SCML4: variants seen among roughly 807,000 people sequenced by gnomAD.
The protein encoded by SCML4 is sex comb on midleg-like protein 4.
In SCML4, 34 loss-of-function variants were observed where a neutral mutation model predicts 41.1. That is an observed-to-expected ratio of 0.83 (90% CI 0.63 to 1.10). The LOEUF (loss-of-function observed/expected upper bound fraction) is 1.10. SCML4 is among the 50% of genes least tolerant of loss of function. The pLI is 0.00. For synonymous variants in SCML4, 214 were observed against 220.9 expected, an observed-to-expected ratio of 0.97 and a Z score of 0.28; for missense variants, 522 against 534.1, an observed-to-expected ratio of 0.98 and a Z score of 0.22.
chr6:107,792,967 T>C (rs1005473799), intron 1 of SCML4, among the ~76,000 whole-genome samples: 3 of 152,154 alleles, frequency 2.0e-5, no homozygotes, highest in African/African-American at 7.2e-5. Context: ...CACTTGCTTC[T>C]GGGGGTAAGA....
At chr6:107,778,815 C>A (rs963610804) in intron 1 of SCML4, among the ~76,000 whole-genome samples, 1 of 152,154 alleles carries the variant, frequency 6.6e-6, no homozygotes, top group Non-Finnish European at 1.5e-5. Flanking sequence ...ACTAATTTGT[C>A]CAACAGATTT....
At chr6:107,785,109 C>G (rs928585409) in intron 1 of SCML4, among the ~76,000 whole-genome samples, 1 of 152,166 alleles carries the variant, frequency 6.6e-6, no homozygotes, top group African/African-American at 2.4e-5. Context: ...GACAGACACG[C>G]CTGGTTTATT....
chr6:107,776,600 A>T (rs1185989938), intron 1 of SCML4, among the ~76,000 whole-genome samples: 2 of 152,200 alleles, frequency 1.3e-5, no homozygotes, highest in African/African-American at 4.8e-5. Context: ...GGCTGATGCA[A>T]TGGGCACTCT....
chr6:107,740,117 A>T (rs1432308354), intron 5 of SCML4: 4 of 470,888 alleles, frequency 8.5e-6, no homozygotes, highest in Admixed American at 4.7e-5. Context: ...CAGCTTTCAG[A>T]TGGGGACATC....
chr6:107,778,225 AT>A (rs1781181122), intron 1 of SCML4, among the ~76,000 whole-genome samples: 12 of 6,298 alleles, frequency 1.9e-3, no homozygotes, highest in Non-Finnish European at 3.7e-3. Flanking sequence ...AAAAAAAAAT[AT>A]ATATATATAT....
upstream of SCML4, among the ~76,000 whole-genome samples, chr6:107,828,326 G>A (rs946304935): frequency 6.6e-6 from 1 of 152,146 alleles, no homozygotes; most frequent in Non-Finnish European, 1.5e-5. Context: ...AGGAAATAAG[G>A]GACTAGATCA....
chr6:107,736,071 G>A (rs866478171), intron 5 of SCML4, among the ~76,000 whole-genome samples: 2 of 152,082 alleles, frequency 1.3e-5, no homozygotes, highest in Non-Finnish European at 2.9e-5. Flanking sequence ...AAATGAGGAA[G>A]TTCCCTGGCA....
rs149697363 is a variant in SCML4, at chr6:107,711,566, A to T, written c.974-3555T>A. Among the ~76,000 whole-genome samples, 279 of 152,342 alleles carry T rather than the reference A, an allele frequency of 1.8e-3. 1 individual carries two copies. The highest frequency in any genetic ancestry group is 9.3e-3 in the South Asian group (45 of 4,822). ...CAACATTGAAATGACCTAAGGATGC[A>T]TTTCCCAGAATGTATCCCATTGAGT... On this transcript the variant is annotated intron_variant, in intron 6 of 7. Transcript: ENST00000369020.
At chr6:107,825,954 A>AAT (rs1562296843), upstream of SCML4, among the ~76,000 whole-genome samples, 1 of 149,324 alleles carries the variant, frequency 6.7e-6, no homozygotes, top group African/African-American at 2.5e-5. Context: ...AAAAAAAAAA[A>AAT]AAGAAAATAA....
chr6:107,778,108 C>T (rs13202209), intron 1 of SCML4, among the ~76,000 whole-genome samples: 79,973 of 144,878 alleles, frequency 0.55, 23,176 homozygotes, highest in East Asian at 0.87. Flanking sequence ...CCCAGCTATT[C>T]GGGAGTTGAA....
intron 2 of SCML4, among the ~76,000 whole-genome samples, chr6:107,750,886 T>G (rs1200862306): frequency 1.3e-5 from 2 of 152,232 alleles, no homozygotes; most frequent in Non-Finnish European, 2.9e-5. Flanking sequence ...GTCCTATTGT[T>G]AACATGTGTG....
chr6:107,813,696 G>C (rs970562265), intron 1 of SCML4, among the ~76,000 whole-genome samples: 7 of 152,090 alleles, frequency 4.6e-5, no homozygotes, highest in Non-Finnish European at 1.0e-4. Flanking sequence ...ATGACTACAT[G>C]CTGCGGTTAT....
chr6:107,755,612 C>A (rs761629145), intron 2 of SCML4: 1 of 1,346,966 alleles, frequency 7.4e-7, no homozygotes, highest in Non-Finnish European at 9.9e-7. Context: ...CTGTCGCAAC[C>A]TATCCAAGCT....
upstream of SCML4, among the ~76,000 whole-genome samples, chr6:107,827,257 T>A (rs576524189): frequency 7.5e-5 from 11 of 146,090 alleles, no homozygotes; most frequent in South Asian, 1.9e-3. Flanking sequence ...TTTACATTTT[T>A]ATTTAAATAT....
At chr6:107,825,950 A>AG (rs1430783898), upstream of SCML4, among the ~76,000 whole-genome samples, 1 of 149,786 alleles carries the variant, frequency 6.7e-6, no homozygotes, top group Admixed American at 6.7e-5. Flanking sequence ...AAAAAAAAAA[A>AG]AAAAAAGAAA....
intron 5 of SCML4, among the ~76,000 whole-genome samples, chr6:107,725,921 A>G: frequency 6.6e-6 from 1 of 151,974 alleles, no homozygotes; most frequent in East Asian, 1.9e-4. Context: ...TACTAAAAAT[A>G]CAAAAATAAA....
intron 5 of SCML4, among the ~76,000 whole-genome samples, chr6:107,723,043 A>G (rs1469567453): frequency 6.6e-6 from 1 of 152,202 alleles, no homozygotes; most frequent in African/African-American, 2.4e-5. Context: ...TGACAAAAAA[A>G]TAAACAAATA....
chr6:107,786,590 G>A (rs971403601), intron 1 of SCML4, among the ~76,000 whole-genome samples: 1 of 152,210 alleles, frequency 6.6e-6, no homozygotes, highest in Non-Finnish European at 1.5e-5. Context: ...AGAAGGCTCT[G>A]TGTCTTCTTC....
chr6:107,788,667 TG>T (rs1470751378), intron 1 of SCML4, among the ~76,000 whole-genome samples: 1 of 152,048 alleles, frequency 6.6e-6, no homozygotes, highest in Non-Finnish European at 1.5e-5. Context: ...ACCAACACCC[TG>T]GTATTAGGGA....
Sources: allele counts gnomAD v4.1 joint callset (sites outside exome capture counted in the v4.1 genomes callset), GRCh38; gene constraint gnomAD v4.1.1; transcripts MANE v1.5; gene names NCBI Gene and HGNC (gene_info 2026-07-23, HGNC 2026-07-21).